The following NECAB1 variants were observed in gnomAD, a reference collection of about 807,000 sequenced individuals.
NECAB1 encodes N-terminal EF-hand calcium binding protein 1.
A neutral mutation model predicts 57.5 loss-of-function variants in NECAB1; 29 were observed. The observed-to-expected ratio is 0.50, with a 90% CI of 0.38 to 0.69. The LOEUF (loss-of-function observed/expected upper bound fraction) is 0.69. NECAB1 is among the 30% of genes least tolerant of loss of function. The pLI, the probability that NECAB1 is intolerant of heterozygous loss-of-function variation, is 0.00. For missense variants in NECAB1, 372 were observed against 413.8 expected (o/e 0.90, Z 0.88); for synonymous variants, 142 against 147.7 (o/e 0.96, Z 0.28).
chr8:90,867,841 CT>C (rs1034178736), intron 3 of NECAB1, among the ~76,000 whole-genome samples: 10 of 152,172 alleles, frequency 6.6e-5, no homozygotes, highest in Admixed American at 2.0e-4. Flanking sequence ...CTGGCCTGGA[CT>C]GTAACTTGCA....
chr8:90,830,795 G>A (rs137911521), intron 3 of NECAB1, among the ~76,000 whole-genome samples: 32 of 152,190 alleles, frequency 2.1e-4, no homozygotes, highest in Non-Finnish European at 4.6e-4. Context: ...CCAGATGAGG[G>A]ATGGAGTCAG....
chr8:90,842,678 A>G, intron 3 of NECAB1, among the ~76,000 whole-genome samples: 1 of 152,252 alleles, frequency 6.6e-6, no homozygotes, highest in East Asian at 1.9e-4. Flanking sequence ...AATGTAAGGC[A>G]TTTTCTGTAA....
At chr8:90,907,967 T>C (rs1342032585) in intron 5 of NECAB1, among the ~76,000 whole-genome samples, 1 of 152,352 alleles carries the variant, frequency 6.6e-6, no homozygotes, top group African/African-American at 2.4e-5. Flanking sequence ...AATATTTTAA[T>C]GTTCAATTAT....
chr8:90,890,528 T>C (rs1809135772), intron 5 of NECAB1, among the ~76,000 whole-genome samples: 1 of 152,240 alleles, frequency 6.6e-6, no homozygotes, highest in Admixed American at 6.5e-5. Context: ...GAATCAATTA[T>C]GTTTTATCTT....
At chr8:90,935,748 T>C (rs1387344283) in intron 9 of NECAB1, among the ~76,000 whole-genome samples, 1 of 152,154 alleles carries the variant, frequency 6.6e-6, no homozygotes, top group Non-Finnish European at 1.5e-5. Flanking sequence ...GGAAAAATTG[T>C]CTAAGGATTG....
intron 5 of NECAB1, among the ~76,000 whole-genome samples, chr8:90,912,521 T>C (rs1285620599): frequency 1.3e-5 from 2 of 152,198 alleles, no homozygotes; most frequent in Non-Finnish European, 2.9e-5. Flanking sequence ...TATAATTTTG[T>C]CTCCTCGTTC....
At chr8:90,904,994 CTAGAG>C (rs1038786619) in intron 5 of NECAB1, among the ~76,000 whole-genome samples, 7 of 152,036 alleles carry the variant, frequency 4.6e-5, no homozygotes, top group African/African-American at 1.4e-4. Context: ...AGTTTAATGA[CTAGAG>C]TAAGAAGGAT....
At chr8:90,848,343 T>C (rs1390411985) in intron 3 of NECAB1, among the ~76,000 whole-genome samples, 1 of 152,170 alleles carries the variant, frequency 6.6e-6, no homozygotes, top group Admixed American at 6.5e-5. Context: ...AACTCTCTAG[T>C]TTGGGAAATT....
At position 90,802,548 on chromosome 8, in the gene NECAB1, G is replaced by T. The variant is rs114266767; in HGVS notation, c.124+833G>T. ...TCTTGACAAATTTAGGATACAAAGG[G>T]TTCTTTCCCTTTTTTGAAATCCCAT... On this transcript the variant is annotated intron_variant, in intron 2 of 12. Transcript: ENST00000417640. 7.1e-3 allele frequency among the ~76,000 whole-genome samples: 1,082 copies of T among 152,218 alleles called. 12 individuals carry two copies. The highest frequency in any genetic ancestry group is 0.025 in the African/African-American group (1,024 of 41,526).
At chr8:90,954,687 A>G (rs1347071508) in intron 12 of NECAB1, among the ~76,000 whole-genome samples, 3 of 151,734 alleles carry the variant, frequency 2.0e-5, no homozygotes, top group Non-Finnish European at 2.9e-5. Flanking sequence ...AGATATACTA[A>G]AATATTATTT....
At chr8:90,932,699 A>G (rs954056099) in intron 8 of NECAB1, among the ~76,000 whole-genome samples, 1 of 152,236 alleles carries the variant, frequency 6.6e-6, no homozygotes, top group Non-Finnish European at 1.5e-5. Flanking sequence ...CAGCTAGAGC[A>G]ACATAGCTCT....
At chr8:90,806,529 C>T (rs932987519) in intron 2 of NECAB1, 6 of 152,162 alleles carry the variant, frequency 3.9e-5, no homozygotes, top group African/African-American at 1.4e-4. Context: ...GTATGGAGGA[C>T]ATATTACAAG....
intron 1 of NECAB1, among the ~76,000 whole-genome samples, chr8:90,792,419 G>C (rs1402339705): frequency 6.6e-6 from 1 of 152,196 alleles, no homozygotes; most frequent in African/African-American, 2.4e-5. Flanking sequence ...CAGCGATTGA[G>C]ATGCCCTCGT....
Position 90,956,459 on chromosome 8 carries a change from ATCT to A in NECAB1, c.*948_*950del, listed in dbSNP as rs2130288456. The A allele has an allele frequency of 6.6e-6, 1 of 152,090 alleles. No individual in the cohort carries two copies. Among genetic ancestry groups the A allele is most frequent in the Admixed American group, 6.6e-5 (1 of 15,264 alleles). The allele number at this position is 152,090 out of a possible 1,614,324, so 9.4% of individuals were successfully genotyped here. On this transcript the variant is annotated 3_prime_UTR_variant, in exon 13 of 13. Coordinates refer to ENST00000417640, the MANE Select transcript of NECAB1 (RefSeq NM_022351.5). ...GTAGTGAAAGTATTAGACAGAAGAC[ATCT>A]GTTTTCGAATTTCAACACTAGAATG...
intron 2 of NECAB1, among the ~76,000 whole-genome samples, chr8:90,816,570 G>A (rs1048306841): frequency 2.6e-5 from 4 of 151,692 alleles, no homozygotes; most frequent in Admixed American, 6.6e-5. Flanking sequence ...TGCACTATTT[G>A]TTGAAAAGAT....
chr8:90,801,857 A>C, intron 2 of NECAB1, 142 bp downstream of exon 2: 1 of 557,172 alleles, frequency 1.8e-6, no homozygotes, highest in Non-Finnish European at 3.1e-6. Flanking sequence ...CGTTTTAGAT[A>C]AGTTTTAGGC....
chr8:90,922,163 T>C (rs918113553), intron 6 of NECAB1, among the ~76,000 whole-genome samples: 1 of 152,254 alleles, frequency 6.6e-6, no homozygotes, highest in Non-Finnish European at 1.5e-5. Context: ...CCTATTCTCT[T>C]ACATAAAACT....
chr8:90,855,211 T>A (rs1200692385), intron 3 of NECAB1, among the ~76,000 whole-genome samples: 1 of 152,182 alleles, frequency 6.6e-6, no homozygotes, highest in Non-Finnish European at 1.5e-5. Flanking sequence ...TCTTCCTGAT[T>A]CCTTATATCC....
intron 2 of NECAB1, among the ~76,000 whole-genome samples, chr8:90,824,014 A>G (rs1190213090): frequency 7.5e-6 from 1 of 132,526 alleles, no homozygotes. Context: ...AAAACCCCTC[A>G]GGCCCTCAAA....
Sources: allele counts gnomAD v4.1 joint callset (sites outside exome capture counted in the v4.1 genomes callset), GRCh38; gene constraint gnomAD v4.1.1; transcripts MANE v1.5; gene names NCBI Gene and HGNC (gene_info 2026-07-23, HGNC 2026-07-21).